GBA1: variants seen among roughly 807,000 people sequenced by gnomAD.
The protein encoded by GBA1 is lysosomal acid glucosylceramidase.
the GBA1 span, among the ~76,000 whole-genome samples, chr1:155,240,471 A>T: frequency 2.8e-4 from 42 of 152,232 alleles, no homozygotes; most frequent in African/African-American, 9.4e-4. Flanking sequence ...TTCAAAAGAA[A>T]AAAAACAAAA....
the GBA1 span, chr1:155,237,190 C>T: frequency 1.3e-6 from 2 of 1,481,850 alleles, no homozygotes; most frequent in Non-Finnish European, 1.8e-6. Context: ...TTTCAAGCGA[C>T]AACTGTGGGA....
chr1:155,241,233 G>C, the GBA1 span: 7 of 904,140 alleles, frequency 7.7e-6, no homozygotes, highest in Middle Eastern at 2.2e-4. Flanking sequence ...CACTAGGTTA[G>C]CCCTGCAAGT....
At chr1:155,236,684 G>A in the GBA1 span, among the ~76,000 whole-genome samples, 1 of 151,764 alleles carries the variant, frequency 6.6e-6, no homozygotes, top group South Asian at 2.1e-4. Context: ...ACTTCCTAGG[G>A]TCAACTGATC....
the GBA1 span, chr1:155,237,454 G>A: frequency 6.2e-7 from 1 of 1,613,960 alleles, no homozygotes; most frequent in Non-Finnish European, 8.5e-7. Flanking sequence ...ATGAAGTCTC[G>A]CTGATGTTCA....
At chr1:155,241,913 C>CAGAA in the GBA1 span, among the ~76,000 whole-genome samples, 1 of 152,176 alleles carries the variant, frequency 6.6e-6, no homozygotes, top group African/African-American at 2.4e-5. Flanking sequence ...AACTGTTCTT[C>CAGAA]CTTCCTCACA....
chr1:155,237,248 A>C, the GBA1 span: 1 of 1,598,024 alleles, frequency 6.3e-7, no homozygotes, highest in South Asian at 1.1e-5. Flanking sequence ...AGGAATCCAT[A>C]GTTGGGTAGA....
At chr1:155,237,234 C>A in the GBA1 span, 1 of 1,577,718 alleles carries the variant, frequency 6.3e-7, no homozygotes, top group African/African-American at 1.3e-5. Flanking sequence ...GGGAATGGTG[C>A]TCTAGGAATC....
the GBA1 span, among the ~76,000 whole-genome samples, chr1:155,241,792 G>A: frequency 3.3e-5 from 5 of 152,184 alleles, no homozygotes; most frequent in Admixed American, 1.3e-4. Context: ...TGAAGTGCAG[G>A]GCACAAGAGG....
the GBA1 span, among the ~76,000 whole-genome samples, chr1:155,243,780 TG>T: frequency 6.6e-6 from 1 of 151,758 alleles, no homozygotes; most frequent in Non-Finnish European, 1.5e-5. Flanking sequence ...TTTTTTGTTT[TG>T]TTTTTTTTTT....
the GBA1 span, among the ~76,000 whole-genome samples, chr1:155,236,951 A>G: frequency 1.3e-5 from 2 of 151,236 alleles, no homozygotes; most frequent in African/African-American, 2.4e-5. Flanking sequence ...CGCAACCACC[A>G]TCTCCCGGGT....
chr1:155,243,457 T>G, the GBA1 span, among the ~76,000 whole-genome samples: 1 of 152,154 alleles, frequency 6.6e-6, no homozygotes, highest in African/African-American at 2.4e-5. Context: ...TTTGGCCAGG[T>G]ACTGAGCAAT....
the GBA1 span, chr1:155,240,318 G>C: frequency 5.0e-6 from 3 of 601,958 alleles, no homozygotes; most frequent in Non-Finnish European, 8.8e-6. Flanking sequence ...ACAAAAATTA[G>C]CTGGGCGTAG....
the GBA1 span, chr1:155,239,968 G>A: frequency 6.2e-7 from 1 of 1,614,108 alleles, no homozygotes; most frequent in Non-Finnish European, 8.5e-7. Flanking sequence ...AGCGGCTGAA[G>A]GTACCAAGGG....
At chr1:155,237,901 C>T in the GBA1 span, 1 of 628,188 alleles carries the variant, frequency 1.6e-6, no homozygotes, top group East Asian at 2.8e-5. Context: ...GAGACTCCTT[C>T]TCAAAAAAAA....
the GBA1 span, chr1:155,238,607 G>T: frequency 6.2e-7 from 1 of 1,613,658 alleles, no homozygotes; most frequent in Non-Finnish European, 8.5e-7. Context: ...GGATGGAGAA[G>T]TCACAGCTGG....
At chr1:155,239,556 A>T in the GBA1 span, 1 of 1,599,492 alleles carries the variant, frequency 6.3e-7, no homozygotes, top group Non-Finnish European at 8.6e-7. Flanking sequence ...ATTTTAAAAA[A>T]AGAAAAGAAA....
chr1:155,236,346 G>A, the GBA1 span: 1 of 1,614,218 alleles, frequency 6.2e-7, no homozygotes, highest in Non-Finnish European at 8.5e-7. Context: ...GAGGCAAAGA[G>A]CATGGTGTTG....
At chr1:155,239,928 C>T in the GBA1 span, 1 of 1,614,114 alleles carries the variant, frequency 6.2e-7, no homozygotes, top group Non-Finnish European at 8.5e-7. Context: ...ATACTCAGCT[C>T]CATCCGTCGC....
chr1:155,236,332 C>G, the GBA1 span: 1 of 1,614,216 alleles, frequency 6.2e-7, no homozygotes, highest in Non-Finnish European at 8.5e-7. Context: ...CCACACAGGC[C>G]TCTGAGGCAA....
Sources: allele counts gnomAD v4.1 joint callset (sites outside exome capture counted in the v4.1 genomes callset), GRCh38; gene constraint gnomAD v4.1.1; transcripts MANE v1.5; gene names NCBI Gene and HGNC (gene_info 2026-07-23, HGNC 2026-07-21).